SSR3: variants seen among roughly 807,000 people sequenced by gnomAD.
SSR3 encodes the protein signal sequence receptor subunit 3, also known as translocon-associated protein subunit gamma.
Under a neutral mutation model 22.1 loss-of-function variants are expected in SSR3, and 10 were observed. The observed-to-expected ratio is 0.45, with a 90% CI of 0.28 to 0.77. The LOEUF is 0.77. SSR3 is among the 30% of genes least tolerant of loss of function. The pLI is 0.13. For synonymous variants in SSR3, 104 were observed against 82.5 expected (o/e 1.26, Z -1.42); for missense variants, 181 against 220.5 (o/e 0.82, Z 1.13).
chr3:156,540,641 A>AGAT lies in SSR3; in HGVS notation c.*2559_*2561dup, dbSNP rs1293822219. 3 of 151,138 alleles carry AGAT rather than the reference A, an allele frequency of 2.0e-5. No homozygotes were observed. Among genetic ancestry groups the AGAT allele is most frequent in the African/African-American group, 7.3e-5 (3 of 41,144 alleles). The allele number at this position is 151,138 out of a possible 1,614,324, so 9.4% of individuals were successfully genotyped here. ...AAAAAAAAAAAAGAATATCAATCCA[A>AGAT]GATTTTTATTAAGTTAAAATGAAGG... On this transcript the variant is annotated 3_prime_UTR_variant, in exon 5 of 5. Coordinates refer to ENST00000265044, the MANE Select transcript of SSR3 (RefSeq NM_007107.5).
At chr3:156,553,036 G>C (rs891051162) in intron 2 of SSR3, among the ~76,000 whole-genome samples, 3 of 141,678 alleles carry the variant, frequency 2.1e-5, no homozygotes, top group South Asian at 2.3e-4. Context: ...AAATGACAGA[G>C]AGTTAAAAAA....
intron 3 of SSR3, among the ~76,000 whole-genome samples, chr3:156,545,020 T>C (rs1719711393): frequency 6.6e-6 from 1 of 152,238 alleles, no homozygotes; most frequent in African/African-American, 2.4e-5. Context: ...TTTTATTCTA[T>C]TTTACTTGTT....
intron 2 of SSR3, among the ~76,000 whole-genome samples, chr3:156,552,053 A>C (rs1429770146): frequency 6.6e-6 from 1 of 152,134 alleles, no homozygotes; most frequent in Non-Finnish European, 1.5e-5. Flanking sequence ...ATAATCCTAG[A>C]ACTTTGGGAG....
Position 156,542,330 on chromosome 3 carries a change from A to G in SSR3, c.*873T>C, listed in dbSNP as rs1024747347. 6.6e-6 allele frequency: 1 copy of G among 152,260 alleles called. No homozygotes were observed. 9.4% of individuals were successfully genotyped at this position (152,260 alleles called of 1,614,324 possible). On this transcript the variant is annotated 3_prime_UTR_variant, in exon 5 of 5. Transcript: ENST00000265044. ...ACTAAAATCACTGTAAATTCCTTGG[A>G]GAGTTCTCAGAATTGCAGAAGTTCA... is the stretch of plus-strand genomic sequence containing the variant.
chr3:156,554,851 C>A (rs1413364264), intron 1 of SSR3, 106 bp downstream of exon 1: 6 of 1,443,172 alleles, frequency 4.2e-6, no homozygotes, highest in South Asian at 1.3e-5. Flanking sequence ...AGATTGCCGA[C>A]CCCCGGCCGG....
intron 2 of SSR3, among the ~76,000 whole-genome samples, chr3:156,549,482 T>C (rs1719874570): frequency 6.6e-6 from 1 of 152,218 alleles, no homozygotes; most frequent in Non-Finnish European, 1.5e-5. Context: ...GTAATTATTT[T>C]AACTTTACTC....
In SSR3 at chr3:156,542,166, C is replaced by A. The variant is rs1454284508; in HGVS notation, c.*1037G>T. On this transcript the variant is annotated 3_prime_UTR_variant, in exon 5 of 5. Transcript: ENST00000265044. Reference sequence around the variant, plus strand: ...ACAAGAAATGATATCTGTACATACACGGGTAAAAAAATGCAAGAGATTGCT... The same window carrying A: ...ACAAGAAATGATATCTGTACATACAAGGGTAAAAAAATGCAAGAGATTGCT... 2.0e-5 allele frequency: 3 copies of A among 152,014 alleles called. No individual in the cohort carries two copies. Among genetic ancestry groups the A allele is most frequent in the Non-Finnish European group, 4.4e-5 (3 of 68,022 alleles). The allele number at this position is 152,014 out of a possible 1,614,324, so 9.4% of individuals were successfully genotyped here.
At chr3:156,554,405 G>A (rs957735484) in intron 1 of SSR3, among the ~76,000 whole-genome samples, 13 of 152,250 alleles carry the variant, frequency 8.5e-5, no homozygotes, top group African/African-American at 3.1e-4. Flanking sequence ...TGGTCCAGTA[G>A]GATTATTAAA....
chr3:156,547,557 G>C (rs537097357), intron 3 of SSR3, among the ~76,000 whole-genome samples: 1 of 152,258 alleles, frequency 6.6e-6, no homozygotes, highest in South Asian at 2.1e-4. Flanking sequence ...CAAAAAACAA[G>C]CAATTGGAAA....
In SSR3 at chr3:156,551,074, CATCTTGCAA is replaced by C. The variant is rs1719936283; in HGVS notation, c.261-2080_261-2072del. ...TCTTGCTGGATCTTTGAACCTTAAC[CATCTTGCAA>C]ATCTGTAGGCATTTCAAAGTCAGTA... On this transcript the variant is annotated intron_variant, in intron 2 of 4. Transcript: ENST00000265044. 2.0e-5 allele frequency among the ~76,000 whole-genome samples: 3 copies of C among 152,096 alleles called. No homozygotes were observed. In the South Asian group the frequency reaches 6.2e-4, roughly 32 times the overall value.
intron 2 of SSR3, chr3:156,551,366 G>T: frequency 6.6e-6 from 1 of 152,178 alleles, no homozygotes; most frequent in East Asian, 1.9e-4. Flanking sequence ...AAGGGACTGA[G>T]TTCCAAGAGT....
chr3:156,550,684 A>G (rs908708690), intron 2 of SSR3, among the ~76,000 whole-genome samples: 1 of 152,262 alleles, frequency 6.6e-6, no homozygotes, highest in Non-Finnish European at 1.5e-5. Flanking sequence ...AAAATTAAAA[A>G]TAAAAAAAGA....
chr3:156,545,189 G>A (rs924949646), intron 3 of SSR3, among the ~76,000 whole-genome samples: 3 of 152,190 alleles, frequency 2.0e-5, no homozygotes, highest in Admixed American at 6.5e-5. Context: ...GGTAGGTTGT[G>A]ACCCATTAGT....
intron 2 of SSR3, among the ~76,000 whole-genome samples, chr3:156,550,500 G>A (rs1443526526): frequency 6.6e-6 from 1 of 152,156 alleles, no homozygotes; most frequent in Non-Finnish European, 1.5e-5. Flanking sequence ...AGAGGAGGAA[G>A]CCCTCCCCTC....
chr3:156,547,547 C>CA (rs1052325954), intron 3 of SSR3, among the ~76,000 whole-genome samples: 2 of 152,080 alleles, frequency 1.3e-5, no homozygotes, highest in African/African-American at 4.8e-5. Flanking sequence ...GATCCCTATG[C>CA]AAAAAACAAG....
chr3:156,552,249 A>G (rs1292489975), intron 2 of SSR3, among the ~76,000 whole-genome samples: 1 of 151,600 alleles, frequency 6.6e-6, no homozygotes, highest in Admixed American at 6.6e-5. Context: ...GGTTGCAGTA[A>G]GCCAAGATTG....
chr3:156,544,421 A>G lies in SSR3; in HGVS notation c.378T>C (p.Asn126=), dbSNP rs6768440. Residue 126 remains asparagine, a synonymous_variant, in exon 4 of 5, where the codon AAT becomes AAC. Coordinates refer to ENST00000265044, the MANE Select transcript of SSR3 (RefSeq NM_007107.5). Reference sequence around the variant, plus strand: ...TTGTAGCTTCATAATCAGCAACTTCATTCTTCTTCCACAAGATTCTACAGA... The same window carrying G: ...TTGTAGCTTCATAATCAGCAACTTCGTTCTTCTTCCACAAGATTCTACAGA... ...EKDERILWKK[N]EVADYEATTF... is the part of the protein sequence containing the mutation. 2,308 of 1,584,122 alleles carry G rather than the reference A, an allele frequency of 1.5e-3. 29 individuals carry two copies. In the African/African-American group the frequency reaches 0.026, roughly 18 times the overall value.
chr3:156,550,205 G>C (rs1392493916), intron 2 of SSR3, among the ~76,000 whole-genome samples: 2 of 152,100 alleles, frequency 1.3e-5, no homozygotes, highest in Non-Finnish European at 2.9e-5. Context: ...CAACTGAAAA[G>C]AAATGGACAC....
At chr3:156,549,106 A>C in intron 2 of SSR3, 103 bp from the exon 3 acceptor site, 1 of 1,132,452 alleles carries the variant, frequency 8.8e-7, no homozygotes, top group Non-Finnish European at 1.2e-6. Flanking sequence ...TGGCAACAGA[A>C]TGATATTTCA....
Sources: gnomAD v4.1 joint callset for allele counts (sites outside exome capture counted in the v4.1 genomes callset) on GRCh38, gnomAD v4.1.1 for gene constraint, MANE v1.5 for transcripts, NCBI Gene and HGNC (gene_info 2026-07-23, HGNC 2026-07-21) for gene names.